The following CA10 variants were observed in gnomAD, a reference collection of about 807,000 sequenced individuals.
CA10 encodes carbonic anhydrase 10 (inactive), also known as carbonic anhydrase-related protein 10.
Under a neutral mutation model 44.2 loss-of-function variants are expected in CA10, and 14 were observed. That is an observed-to-expected ratio of 0.32 (90% confidence interval 0.21 to 0.50). CA10 has a LOEUF of 0.50. CA10 is among the 20% of genes least tolerant of loss of function. The pLI, the probability that CA10 is intolerant of heterozygous loss-of-function variation, is 0.99. For missense variants in CA10, 350 were observed against 409.7 expected (o/e 0.85, Z 1.26); for synonymous variants, 159 against 141.6 (o/e 1.12, Z -0.87).
At chr17:51,696,472 C>T (rs1915405373) in intron 4 of CA10, among the ~76,000 whole-genome samples, 1 of 152,106 alleles carries the variant, frequency 6.6e-6, no homozygotes, top group Non-Finnish European at 1.5e-5. Flanking sequence ...CTTGGATCTT[C>T]TCTCTTTTCC....
chr17:51,853,116 A>G (rs1233634177), intron 3 of CA10, among the ~76,000 whole-genome samples: 1 of 151,884 alleles, frequency 6.6e-6, no homozygotes, highest in Non-Finnish European at 1.5e-5. Context: ...ATTAAACTGA[A>G]TGCTAATATA....
chr17:51,687,207 CCATTT>C (rs1915038299), intron 4 of CA10, among the ~76,000 whole-genome samples: 1 of 152,174 alleles, frequency 6.6e-6, no homozygotes, highest in Admixed American at 6.5e-5. Flanking sequence ...AAATTTTGCA[CCATTT>C]CATTTGTGTA....
chr17:51,892,232 G>C lies in CA10; in HGVS notation c.279+38758C>G, dbSNP rs1041410095. 3.9e-5 allele frequency among the ~76,000 whole-genome samples: 6 copies of C among 152,174 alleles called. No individual in the cohort carries two copies. In the East Asian group the frequency reaches 9.6e-4, roughly 24 times the overall value. On this transcript the variant is annotated intron_variant, in intron 3 of 8. Coordinates refer to ENST00000451037, the MANE Select transcript of CA10 (RefSeq NM_020178.5). ...GTGGTGGAACTGGGATTTGAATCCA[G>C]GCTAGTTGTTCCCAGCCTTTTTCCA...
At chr17:51,675,739 A>C (rs970938101) in intron 4 of CA10, among the ~76,000 whole-genome samples, 1 of 151,968 alleles carries the variant, frequency 6.6e-6, no homozygotes, top group African/African-American at 2.4e-5. Flanking sequence ...AAAACAAAAA[A>C]CACACAACAA....
At chr17:51,905,159 A>G (rs1368168471) in intron 3 of CA10, among the ~76,000 whole-genome samples, 1 of 152,142 alleles carries the variant, frequency 6.6e-6, no homozygotes, top group Non-Finnish European at 1.5e-5. Flanking sequence ...TTGGAAATCA[A>G]AAAGTTTATC....
chr17:51,733,789 C>CA (rs1183933273), intron 4 of CA10, among the ~76,000 whole-genome samples: 2 of 152,154 alleles, frequency 1.3e-5, no homozygotes, highest in Non-Finnish European at 2.9e-5. Flanking sequence ...AGAATTGAAA[C>CA]AAAACCTAAG....
At chr17:52,093,348 T>C (rs187863998) in intron 1 of CA10, among the ~76,000 whole-genome samples, 4 of 152,320 alleles carry the variant, frequency 2.6e-5, no homozygotes, top group Admixed American at 2.6e-4. Context: ...ATAAATGCAA[T>C]GTGTTTTCTT....
intron 2 of CA10, among the ~76,000 whole-genome samples, chr17:51,948,366 G>A (rs1225126794): frequency 6.6e-6 from 1 of 152,114 alleles, no homozygotes; most frequent in African/African-American, 2.4e-5. Flanking sequence ...ATGGGTCATT[G>A]CCCTGGCACT....
intron 2 of CA10, among the ~76,000 whole-genome samples, chr17:52,041,039 T>G (rs1697020729): frequency 6.6e-6 from 1 of 152,070 alleles, no homozygotes; most frequent in South Asian, 2.1e-4. Flanking sequence ...AAGGGCATGG[T>G]CTTGGTAGAG....
rs1567815174 is a variant in CA10, at chr17:51,717,646, T to TGC, written c.465+29986_465+29987insGC. On this transcript the variant is annotated intron_variant, in intron 4 of 8. Transcript: ENST00000451037. ...ATATGCACATATATGCATGTATATA[T>TGC]ACATATATACGTATATATACATGTA... Among the ~76,000 whole-genome samples, 33 of 60,308 alleles carry TGC rather than the reference T, an allele frequency of 5.5e-4. 4 individuals carry two copies. Among genetic ancestry groups the TGC allele is most frequent in the African/African-American group, 1.4e-3 (29 of 20,978 alleles). The allele number at this position is 60,308 out of a possible 152,430, so 39.6% of individuals were successfully genotyped here. A position where few individuals can be genotyped will look rare whatever the true frequency, so the allele number is the denominator to read the frequency against.
intron 3 of CA10, among the ~76,000 whole-genome samples, chr17:51,890,053 AG>A (rs1029994033): frequency 3.3e-5 from 5 of 152,174 alleles, no homozygotes; most frequent in Non-Finnish European, 7.4e-5. Flanking sequence ...GTTGAAGAAA[AG>A]GGGGTAGCAA....
chr17:52,070,690 G>C (rs150631390), intron 2 of CA10, among the ~76,000 whole-genome samples: 286 of 152,274 alleles, frequency 1.9e-3, no homozygotes, highest in Non-Finnish European at 3.2e-3. Context: ...AACATGTAAG[G>C]GGACAATAAA....
intron 3 of CA10, among the ~76,000 whole-genome samples, chr17:51,897,691 C>A (rs1348842453): frequency 6.6e-6 from 1 of 152,188 alleles, no homozygotes; most frequent in African/African-American, 2.4e-5. Flanking sequence ...TTCATCTATA[C>A]ATGAGCATAT....
At chr17:51,640,061 A>G (rs1418456490) in intron 6 of CA10, among the ~76,000 whole-genome samples, 2 of 152,068 alleles carry the variant, frequency 1.3e-5, no homozygotes, top group Non-Finnish European at 2.9e-5. Flanking sequence ...TGCTGTATTT[A>G]CTGAATTAGC....
At chr17:52,105,901 A>G (rs1487460134) in intron 1 of CA10, among the ~76,000 whole-genome samples, 1 of 152,352 alleles carries the variant, frequency 6.6e-6, no homozygotes, top group East Asian at 1.9e-4. Context: ...ATTCAATGAA[A>G]TATTGCATGA....
chr17:51,930,965 C>T lies in CA10; in HGVS notation c.279+25G>A, dbSNP rs1982633017. The T allele has an allele frequency of 1.9e-6, 3 of 1,611,268 alleles. No individual in the cohort carries two copies. In the Middle Eastern group the frequency reaches 5.0e-4, roughly 267 times the overall value. ...CAAGATGGCCCCATCTTCAACTTTA[C>T]CATGGAAGCAATATGGTGGCTTACC... On this transcript the variant is annotated intron_variant, in intron 3 of 8. Transcript: ENST00000451037.
intron 3 of CA10, among the ~76,000 whole-genome samples, chr17:51,850,484 A>T (rs1346228724): frequency 6.6e-6 from 1 of 152,182 alleles, no homozygotes; most frequent in Non-Finnish European, 1.5e-5. Flanking sequence ...TTTCTTGACC[A>T]CTTGCAAGGG....
chr17:52,079,993 C>A (rs1453155005), intron 1 of CA10, among the ~76,000 whole-genome samples: 1 of 152,184 alleles, frequency 6.6e-6, no homozygotes, highest in African/African-American at 2.4e-5. Context: ...GACAAAGTGA[C>A]TATTTCCAAA....
chr17:52,042,255 T>C (rs989051440), intron 2 of CA10, among the ~76,000 whole-genome samples: 4 of 152,034 alleles, frequency 2.6e-5, no homozygotes, highest in Non-Finnish European at 4.4e-5. Flanking sequence ...TCACCAACGT[T>C]TGTTATCTCT....
Sources: gnomAD v4.1 joint callset for allele counts (sites outside exome capture counted in the v4.1 genomes callset) on GRCh38, gnomAD v4.1.1 for gene constraint, MANE v1.5 for transcripts, NCBI Gene and HGNC (gene_info 2026-07-23, HGNC 2026-07-21) for gene names.